SLC47A1: variants seen among roughly 807,000 people sequenced by gnomAD.
SLC47A1 encodes the protein multidrug and toxin extrusion protein 1.
SLC47A1 carries 58 observed loss-of-function variants against 65.8 expected under a neutral mutation model. The ratio of observed to expected loss-of-function variants is 0.88; its 90% CI spans 0.71 to 1.10. The LOEUF (loss-of-function observed/expected upper bound fraction) is 1.10. Ranked by LOEUF, SLC47A1 falls within the 50% of genes least tolerant of loss-of-function variation. The pLI is 0.00. For missense variants in SLC47A1, 706 were observed against 719.2 expected (o/e 0.98, Z 0.21); for synonymous variants, 285 against 295.0 (o/e 0.97, Z 0.35).
At chr17:19,547,666 A>G (rs1916325815) in intron 3 of SLC47A1, among the ~76,000 whole-genome samples, 1 of 148,654 alleles carries the variant, frequency 6.7e-6, no homozygotes, top group South Asian at 2.1e-4. Context: ...CTTTCACACC[A>G]TCCTTCTCCT....
chr17:19,573,861 G>A (rs2084418614), intron 16 of SLC47A1, among the ~76,000 whole-genome samples: 1 of 151,286 alleles, frequency 6.6e-6, no homozygotes, highest in African/African-American at 2.4e-5. Context: ...GGAGCACCCA[G>A]CCAAACTGAA....
intron 12 of SLC47A1, among the ~76,000 whole-genome samples, chr17:19,565,871 G>A (rs928147550): frequency 2.0e-5 from 3 of 152,086 alleles, no homozygotes; most frequent in African/African-American, 7.2e-5. Flanking sequence ...GTGAGCCACC[G>A]TGCCTGGTGG....
At chr17:19,576,471 C>T (rs1361171926) in intron 16 of SLC47A1, among the ~76,000 whole-genome samples, 3 of 150,372 alleles carry the variant, frequency 2.0e-5, no homozygotes, top group East Asian at 3.9e-4. Flanking sequence ...CCACCTCAGT[C>T]TCCCAAGTAG....
intron 1 of SLC47A1, among the ~76,000 whole-genome samples, chr17:19,538,537 G>A (rs956540844): frequency 6.6e-6 from 1 of 152,256 alleles, no homozygotes; most frequent in African/African-American, 2.4e-5. Flanking sequence ...TGTACTGTGG[G>A]TCCCGTGGGG....
At chr17:19,565,803 G>C (rs997901046) in intron 12 of SLC47A1, among the ~76,000 whole-genome samples, 1 of 151,842 alleles carries the variant, frequency 6.6e-6, no homozygotes. Context: ...GGATGGTCTC[G>C]ATCTCCTGAC....
At chr17:19,534,438 CG>C in intron 1 of SLC47A1, 1 of 207,926 alleles carries the variant, frequency 4.8e-6, no homozygotes, top group Non-Finnish European at 9.6e-6. Context: ...CATTTGCATC[CG>C]GGGGTGCCTT....
Position 19,533,881 on chromosome 17 carries a change from C to G in SLC47A1, c.-59C>G, listed in dbSNP as rs1763909134. ...TGCCGGCCTGCGCGGTACTCACTGC[C>G]GGCCTCCGCGGTACCCACTGCCGGC... On this transcript the variant is annotated 5_prime_UTR_variant, in exon 1 of 17. Coordinates refer to ENST00000270570, the MANE Select transcript of SLC47A1 (RefSeq NM_018242.3). 3 of 1,386,804 alleles carry G rather than the reference C, an allele frequency of 2.2e-6. No individual in the cohort carries two copies. The highest frequency in any genetic ancestry group is 2.8e-6 in the Non-Finnish European group (3 of 1,067,026). 85.9% of individuals were successfully genotyped at this position (1,386,804 alleles called of 1,614,324 possible).
intron 16 of SLC47A1, among the ~76,000 whole-genome samples, chr17:19,574,090 T>C (rs963551416): frequency 2.0e-5 from 3 of 151,924 alleles, no homozygotes; most frequent in African/African-American, 7.3e-5. Context: ...ACCTGGCTAA[T>C]TTTTGTATTT....
intron 1 of SLC47A1, among the ~76,000 whole-genome samples, chr17:19,536,694 A>G (rs565328159): frequency 5.9e-5 from 9 of 152,258 alleles, no homozygotes; most frequent in Non-Finnish European, 1.2e-4. Flanking sequence ...CTGTTTACTA[A>G]AGGGCATGGG....
intron 12 of SLC47A1, among the ~76,000 whole-genome samples, chr17:19,565,728 C>A (rs2084351385): frequency 6.6e-6 from 1 of 151,844 alleles, no homozygotes; most frequent in South Asian, 2.1e-4. Flanking sequence ...CTACAGGCGC[C>A]CGCCACCACG....
At chr17:19,550,810 G>A (rs1411958374) in intron 5 of SLC47A1, among the ~76,000 whole-genome samples, 3 of 152,226 alleles carry the variant, frequency 2.0e-5, no homozygotes, top group East Asian at 1.9e-4. Flanking sequence ...GCCTGTGGAC[G>A]GCCACCCTCT....
intron 10 of SLC47A1, among the ~76,000 whole-genome samples, chr17:19,559,189 G>A (rs577495375): frequency 6.6e-6 from 1 of 152,332 alleles, no homozygotes; most frequent in East Asian, 1.9e-4. Context: ...GAGGTTTTGA[G>A]AGGGTAAGTA....
At chr17:19,538,910 A>G (rs1249355212) in intron 1 of SLC47A1, among the ~76,000 whole-genome samples, 1 of 152,130 alleles carries the variant, frequency 6.6e-6, no homozygotes, top group Non-Finnish European at 1.5e-5. Flanking sequence ...TCACTGTGAC[A>G]AGAAGGGACG....
intron 1 of SLC47A1, 98 bp downstream of exon 1, chr17:19,534,172 G>C: frequency 7.3e-7 from 1 of 1,362,050 alleles, no homozygotes; most frequent in Non-Finnish European, 9.6e-7. Context: ...TGGGGACCGA[G>C]CGAGCTGTCC....
chr17:19,536,948 G>A (rs1916002961), intron 1 of SLC47A1, among the ~76,000 whole-genome samples: 1 of 152,238 alleles, frequency 6.6e-6, no homozygotes, highest in Admixed American at 6.5e-5. Flanking sequence ...GCCGAATGGT[G>A]CTTATTTCTC....
At chr17:19,564,664 T>C (rs895818453) in intron 12 of SLC47A1, 3 of 152,218 alleles carry the variant, frequency 2.0e-5, no homozygotes, top group African/African-American at 7.2e-5. Flanking sequence ...AAAATAATTA[T>C]ATTTCTGTCC....
chr17:19,537,177 A>G (rs572102824), intron 1 of SLC47A1, among the ~76,000 whole-genome samples: 19 of 152,376 alleles, frequency 1.2e-4, no homozygotes, highest in Non-Finnish European at 2.2e-4. Context: ...GGGATAGCCC[A>G]GGCCCCAGCT....
chr17:19,563,436 A>C (rs1465613329), intron 12 of SLC47A1, among the ~76,000 whole-genome samples: 1 of 151,828 alleles, frequency 6.6e-6, no homozygotes, highest in Non-Finnish European at 1.5e-5. Flanking sequence ...CCGGCCGAGA[A>C]AGCTATTTTA....
chr17:19,553,741 C>T (rs575909768), intron 6 of SLC47A1, among the ~76,000 whole-genome samples: 14 of 152,222 alleles, frequency 9.2e-5, no homozygotes, highest in African/African-American at 3.4e-4. Flanking sequence ...GGGGTTTTAC[C>T]ATGTTGGCCA....
Sources: gnomAD v4.1 joint callset for allele counts (sites outside exome capture counted in the v4.1 genomes callset) on GRCh38, gnomAD v4.1.1 for gene constraint, MANE v1.5 for transcripts, NCBI Gene and HGNC (gene_info 2026-07-23, HGNC 2026-07-21) for gene names.